The following COL4A4 variants were observed in gnomAD, a reference collection of about 807,000 sequenced individuals.
COL4A4 encodes collagen type IV alpha 4 chain.
COL4A4 carries 105 observed loss-of-function variants against 192.9 expected under a neutral mutation model. That is an observed-to-expected ratio of 0.54 (90% CI 0.46 to 0.64). The LOEUF (loss-of-function observed/expected upper bound fraction) is 0.64, where lower values mean the gene tolerates loss of function less well. Ranked by LOEUF, COL4A4 falls within the 30% of genes least tolerant of loss-of-function variation. The probability of loss-of-function intolerance (pLI) is 0.00; values close to 1 mark genes in which losing one functional copy is unlikely to be tolerated. For missense variants in COL4A4, 1,967 were observed against 2,169.3 expected (o/e 0.91, Z 1.85); for synonymous variants, 762 against 769.9 (o/e 0.99, Z 0.17).
chr2:226,982,644 G>A, the COL4A4 span, among the ~76,000 whole-genome samples: 105 of 152,162 alleles, frequency 6.9e-4, no homozygotes, highest in Non-Finnish European at 1.1e-3. Context: ...CAAAGTATAT[G>A]AGTTTGTAGC....
intron 3 of COL4A4, among the ~76,000 whole-genome samples, chr2:227,141,294 A>T (rs1164416324): frequency 6.6e-6 from 1 of 152,234 alleles, no homozygotes; most frequent in Non-Finnish European, 1.5e-5. Flanking sequence ...TGATTGATCA[A>T]CCTTTTTAAA....
At position 227,007,621 on chromosome 2, in the gene COL4A4, G is replaced by GAC; in HGVS notation, c.4810-35_4810-34dup. 3.1e-6 allele frequency: 5 copies of GAC among 1,611,950 alleles called. No homozygotes were observed. In the East Asian group the frequency reaches 1.1e-4, roughly 36 times the overall value. On this transcript the variant is annotated intron_variant, in intron 47 of 47. Transcript: ENST00000396625. ...GAAAACAAGAGAGAATTAGGGCTCA[G>GAC]ACACACACAGACAACCCCAGACCCA...
At chr2:227,162,396 T>G (rs1007069384) in intron 1 of COL4A4, among the ~76,000 whole-genome samples, 28 of 152,230 alleles carry the variant, frequency 1.8e-4, no homozygotes, top group Non-Finnish European at 3.7e-4. Flanking sequence ...TTGTTTGTAC[T>G]TTTTAAAATT....
Position 227,042,147 on chromosome 2 carries a change from C to T in COL4A4, c.3505+1G>A. The T allele has an allele frequency of 6.3e-7, 1 of 1,583,114 alleles. No individual in the cohort carries two copies. Among genetic ancestry groups the T allele is most frequent in the Non-Finnish European group, 8.7e-7 (1 of 1,151,814 alleles). On this transcript the variant is annotated splice_donor_variant, in intron 37 of 47. Transcript: ENST00000396625. LOFTEE classifies it high-confidence loss of function. ...GTGGGATGGGCTTCATTTTGACTTA[C>T]CTTTTATTCCCGGAGGACCTGGTAT...
chr2:227,080,572 A>C, intron 23 of COL4A4, 23 bp from the exon 24 acceptor site: 1 of 1,593,686 alleles, frequency 6.3e-7, no homozygotes, highest in Non-Finnish European at 8.6e-7. Context: ...GTCAAAAGAT[A>C]TTCAAGCTCT....
intron 44 of COL4A4, among the ~76,000 whole-genome samples, chr2:227,013,198 CTAT>C (rs1186127144): frequency 3.9e-5 from 6 of 152,158 alleles, no homozygotes; most frequent in African/African-American, 1.2e-4. Context: ...GAGTTTATTG[CTAT>C]TATACCTAAT....
chr2:227,042,358 G>T, intron 36 of COL4A4, 103 bp from the exon 37 acceptor site: 1 of 715,392 alleles, frequency 1.4e-6, no homozygotes, highest in Non-Finnish European at 2.5e-6. Context: ...GGAGAACACT[G>T]TCTAATTACT....
chr2:227,017,881 C>T (rs1024955838), intron 44 of COL4A4, among the ~76,000 whole-genome samples: 7 of 151,998 alleles, frequency 4.6e-5, no homozygotes, highest in African/African-American at 1.5e-4. Flanking sequence ...GTTTGTTGTA[C>T]TGATGATTAT....
the COL4A4 span, chr2:226,995,576 C>T: frequency 1.3e-5 from 15 of 1,198,654 alleles, no homozygotes; most frequent in South Asian, 1.3e-4. Flanking sequence ...CCATTTGGCT[C>T]ATTCCCCAAG....
chr2:227,072,551 C>G (rs894602105), intron 25 of COL4A4, among the ~76,000 whole-genome samples: 21 of 151,894 alleles, frequency 1.4e-4, no homozygotes, highest in African/African-American at 5.1e-4. Flanking sequence ...CTAAATCATT[C>G]TATTAAGCTA....
At chr2:227,067,928 A>C (rs2058452366) in intron 25 of COL4A4, among the ~76,000 whole-genome samples, 1 of 139,604 alleles carries the variant, frequency 7.2e-6, no homozygotes, top group Admixed American at 7.4e-5. Flanking sequence ...TGAATCCAGG[A>C]GCTGGTTTTT....
chr2:227,114,634 AC>A lies in COL4A4; in HGVS notation c.551del (p.Gly184ValfsTer35), dbSNP rs766798868. ...TCATGATCATAATACTTACCTGAATACCTTTAACGGCACCTAAAATGAACAC... is the reference window on the plus strand; with the variant it reads ...TCATGATCATAATACTTACCTGAATACTTTAACGGCACCTAAAATGAACAC... ...NSVFILGAVK[G>X]IQGDRGDPGL... is the part of the protein sequence containing the mutation. On this transcript the variant is annotated frameshift_variant, in exon 8 of 48. Transcript: ENST00000396625. LOFTEE classifies it high-confidence loss of function. 1 of 1,613,916 alleles carries A rather than the reference AC, an allele frequency of 6.2e-7. No homozygotes were observed. Among genetic ancestry groups the A allele is most frequent in the East Asian group, 2.2e-5 (1 of 44,868 alleles).
chr2:227,111,290 G>A (rs960833319), intron 9 of COL4A4, among the ~76,000 whole-genome samples: 47 of 152,122 alleles, frequency 3.1e-4, no homozygotes, highest in African/African-American at 1.1e-3. Context: ...AAATGGTAGC[G>A]AGAAGCAATG....
chr2:227,002,044 G>T (rs550246787), downstream of COL4A4, among the ~76,000 whole-genome samples: 1 of 151,900 alleles, frequency 6.6e-6, no homozygotes, highest in South Asian at 2.1e-4. Context: ...AGTAGCACAT[G>T]CTTGTAGCCC....
intron 44 of COL4A4, among the ~76,000 whole-genome samples, chr2:227,013,572 G>A (rs1429970070): frequency 6.6e-6 from 1 of 152,154 alleles, no homozygotes; most frequent in Non-Finnish European, 1.5e-5. Flanking sequence ...GAAGATGGTG[G>A]CATCCGCAAG....
At chr2:227,119,204 T>A (rs2061647413) in intron 6 of COL4A4, among the ~76,000 whole-genome samples, 1 of 152,060 alleles carries the variant, frequency 6.6e-6, no homozygotes, top group African/African-American at 2.4e-5. Flanking sequence ...TATACCTAGC[T>A]CATATTTTGG....
At chr2:226,982,694 T>G in the COL4A4 span, among the ~76,000 whole-genome samples, 1 of 152,208 alleles carries the variant, frequency 6.6e-6, no homozygotes, top group African/African-American at 2.4e-5. Flanking sequence ...TCTCGGGATT[T>G]GAGAGCTATT....
chr2:226,991,969 T>C, the COL4A4 span, among the ~76,000 whole-genome samples: 12 of 152,232 alleles, frequency 7.9e-5, 1 homozygote, highest in South Asian at 2.5e-3. Flanking sequence ...TCCTTTACAC[T>C]CATGGGGACA....
rs76862039 is a variant in COL4A4 at position 227,151,075 on chromosome 2, A to G, written c.-101-3491T>C. Reference sequence around the variant, plus strand: ...CAGCAGTCTGATTTTTACCAGCATCAGCTTAAAATAAATGCACACAAGCTC... The same window carrying G: ...CAGCAGTCTGATTTTTACCAGCATCGGCTTAAAATAAATGCACACAAGCTC... On this transcript the variant is annotated intron_variant, in intron 1 of 47. Transcript: ENST00000396625. Among the ~76,000 whole-genome samples, 699 of 152,332 alleles carry G rather than the reference A, an allele frequency of 4.6e-3. 16 individuals are homozygous for G. In the East Asian group the frequency reaches 0.054, roughly 12 times the overall value.
Sources: allele counts gnomAD v4.1 joint callset (sites outside exome capture counted in the v4.1 genomes callset), GRCh38; gene constraint gnomAD v4.1.1; transcripts MANE v1.5; gene names NCBI Gene and HGNC (gene_info 2026-07-23, HGNC 2026-07-21).